CNKSR2: variants seen among roughly 807,000 people sequenced by gnomAD.
CNKSR2 encodes CNK homolog protein 2.
Under a neutral mutation model 84.4 loss-of-function variants are expected in CNKSR2, and 14 were observed. The observed-to-expected ratio is 0.17, with a 90% CI of 0.11 to 0.26. The LOEUF is 0.26. Ranked by LOEUF, CNKSR2 falls within the 10% of genes least tolerant of loss-of-function variation. The probability of loss-of-function intolerance (pLI) is 1.00; values close to 1 mark genes in which losing one functional copy is unlikely to be tolerated. For synonymous variants in CNKSR2, 275 were observed against 277.9 expected, an observed-to-expected ratio of 0.99 and a Z score of 0.10; for missense variants, 485 against 771.2, an observed-to-expected ratio of 0.63 and a Z score of 4.40.
chrX:21,599,075 T>G (rs766071965), intron 17 of CNKSR2, among the ~76,000 whole-genome samples: 9 of 112,635 alleles, frequency 8.0e-5, no homozygotes, highest in Admixed American at 6.6e-4. Context: ...TTAACAAAAT[T>G]TTTCTTCTTA....
rs746594231 is a variant in CNKSR2, at chrX:21,559,658, T to A, written c.1304-1813T>A. On this transcript the variant is annotated intron_variant, in intron 11 of 21. Transcript: ENST00000379510. ...AGTGTGAGTGCTGGGGCTTATTGTG[T>A]TAACTGTATTGTCGCCATGTGAGGA... 1.9e-4 allele frequency among the ~76,000 whole-genome samples: 21 copies of A among 111,243 alleles called. No individual in the cohort carries two copies. The South Asian group carries it at 7.6e-3, about 40-fold the overall frequency.
chrX:21,423,663 A>T (rs1368399191), intron 1 of CNKSR2: 1 of 111,786 alleles, frequency 8.9e-6, no homozygotes, highest in East Asian at 2.8e-4. Context: ...GGGGTTTCTC[A>T]GGTCAACATG....
At chrX:21,464,708 C>T (rs1192409742) in intron 4 of CNKSR2, among the ~76,000 whole-genome samples, 1 of 111,697 alleles carries the variant, frequency 9.0e-6, no homozygotes, top group African/African-American at 3.3e-5. Context: ...TCACTCACAA[C>T]TCACATTGCT....
intron 19 of CNKSR2, 73 bp downstream of exon 19, chrX:21,606,952 A>T: frequency 1.8e-6 from 1 of 563,943 alleles, no homozygotes; most frequent in Non-Finnish European, 2.7e-6. Flanking sequence ...TGTTAAAAAC[A>T]TATGTAGTAG....
At chrX:21,413,664 G>A (rs1303848060) in intron 1 of CNKSR2, among the ~76,000 whole-genome samples, 1 of 110,294 alleles carries the variant, frequency 9.1e-6, no homozygotes, top group Admixed American at 9.7e-5. Context: ...CTTCTACTCT[G>A]TTTAATTTTT....
At chrX:21,649,982 G>A (rs1463699062) in intron 21 of CNKSR2, among the ~76,000 whole-genome samples, 5 of 111,777 alleles carry the variant, frequency 4.5e-5, no homozygotes, top group Non-Finnish European at 7.5e-5. Context: ...TGGTGGGAGT[G>A]TAAATTAGTT....
At chrX:21,495,783 CAAAAAAAAAAAAAAAAAAAAAAAA>C (rs55689293) in intron 6 of CNKSR2, 16 of 6,961 alleles carry the variant, frequency 2.3e-3, no homozygotes, top group African/African-American at 6.0e-3. Flanking sequence ...AGCTCCGTCT[CAAAAAAAAAAAAAAAAAAAAAAAA>C]AAAAAAAAAA....
chrX:21,428,202 T>C (rs2090589963), intron 2 of CNKSR2: 1 of 112,099 alleles, frequency 8.9e-6, no homozygotes, highest in Non-Finnish European at 1.9e-5. Flanking sequence ...TAAAAGATGC[T>C]AAATTAATGT....
chrX:21,531,832 T>TC (rs766268700), intron 10 of CNKSR2, 24 bp from the exon 11 acceptor site: 1 of 1,092,857 alleles, frequency 9.2e-7, no homozygotes, highest in East Asian at 3.0e-5. Context: ...CTACATCTTC[T>TC]CCTTTACTCT....
At chrX:21,461,928 T>C (rs140359887) in intron 4 of CNKSR2, among the ~76,000 whole-genome samples, 1 of 112,280 alleles carries the variant, frequency 8.9e-6, no homozygotes, top group African/African-American at 3.2e-5. Flanking sequence ...CATGCTGTTT[T>C]AAATACTCTA....
rs1314010239 is a variant in CNKSR2 at position 21,652,518 on chromosome X, C to G, written c.3102C>G (p.Val1034=). The G allele has an allele frequency of 4.4e-5, 52 of 1,189,805 alleles. No individual in the cohort carries two copies. The highest frequency in any genetic ancestry group is 5.9e-5 in the Non-Finnish European group (52 of 875,630). Residue 1034 remains valine (V), a synonymous_variant, in exon 22 of 22, where the codon GTC becomes GTG. Transcript: ENST00000379510. ...CTCATTCATACATTGAAACGCATGT[C>G]TAAATGTATTCTGCCTTCAGACCAT... ...AHTHSYIETH[V]
At position 21,426,905 on chromosome X, in the gene CNKSR2, G is replaced by C. The variant is rs999933523; in HGVS notation, c.228+245G>C. On this transcript the variant is annotated intron_variant, in intron 2 of 21. Transcript: ENST00000379510. ...TGGGTATATCAGAACCTTAAGTCCA[G>C]AGTGTATGTCTCATAAGCAGGGCTC... 2.5e-5 allele frequency: 9 copies of C among 364,294 alleles called. No homozygotes were observed. In the South Asian group the frequency reaches 4.2e-4, roughly 17 times the overall value. 30.0% of individuals were successfully genotyped at this position (364,294 alleles called of 1,213,427 possible). A position where few individuals can be genotyped will look rare whatever the true frequency, so the allele number is the denominator to read the frequency against.
At chrX:21,447,521 C>T (rs1338639523) in intron 4 of CNKSR2, among the ~76,000 whole-genome samples, 1 of 111,377 alleles carries the variant, frequency 9.0e-6, no homozygotes, top group African/African-American at 3.3e-5. Context: ...TCCTATACTA[C>T]ATATAGGGAT....
chrX:21,380,598 C>T (rs2089884964), intron 1 of CNKSR2, among the ~76,000 whole-genome samples: 1 of 109,587 alleles, frequency 9.1e-6, no homozygotes, highest in Admixed American at 9.8e-5. Flanking sequence ...AGGCACCCAC[C>T]ACCACCCCTG....
chrX:21,403,956 C>A lies in CNKSR2; in HGVS notation c.65-22541C>A, dbSNP rs2090228079. Among the ~76,000 whole-genome samples, 2 of 112,007 alleles carry A rather than the reference C, an allele frequency of 1.8e-5. 1 individual carries two copies. The highest frequency in any genetic ancestry group is 7.4e-4 in the South Asian group (2 of 2,707). On this transcript the variant is annotated intron_variant, in intron 1 of 21. Transcript: ENST00000379510. ...TTAAGTAACTACTTCCAAAAAATAG[C>A]ATTGTATAGCAAACAGTTCCACATG... is the stretch of plus-strand genomic sequence containing the variant.
In CNKSR2 at chrX:21,459,710, A is replaced by G. The variant is rs995424363; in HGVS notation, c.520-11056A>G. ...TATCATGATAAATGCTAAACTGCCT[A>G]TCTTCTTTTTTTCATCACTTTGACC... On this transcript the variant is annotated intron_variant, in intron 4 of 21. Transcript: ENST00000379510. Among the ~76,000 whole-genome samples, 4 of 110,874 alleles carry G rather than the reference A, an allele frequency of 3.6e-5. No individual in the cohort carries two copies. In the Admixed American group the frequency reaches 3.9e-4, roughly 11 times the overall value.
At chrX:21,601,996 A>T (rs1003975693) in intron 18 of CNKSR2, among the ~76,000 whole-genome samples, 2 of 112,421 alleles carry the variant, frequency 1.8e-5, no homozygotes, top group African/African-American at 3.2e-5. Flanking sequence ...ACAGATTGAC[A>T]TACTTATAAA....
rs1461015285 is a variant in CNKSR2, at chrX:21,642,767, A to G, written c.2693-6064A>G. On this transcript the variant is annotated intron_variant, in intron 20 of 21. Coordinates refer to ENST00000379510, the MANE Select transcript of CNKSR2 (RefSeq NM_014927.5). ...CAGATAGCTAAATAATTTGCTAAGT[A>G]TGCCTGATAGTAAATATCTTTCTAA... 6 of 708,396 alleles carry G rather than the reference A, an allele frequency of 8.5e-6. No individual in the cohort carries two copies. The East Asian group carries it at 9.3e-4, about 110-fold the overall frequency. The allele number at this position is 708,396 out of a possible 1,213,427, so 58.4% of individuals were successfully genotyped here. A position where few individuals can be genotyped will look rare whatever the true frequency, so the allele number is the denominator to read the frequency against.
chrX:21,547,914 G>T (rs185929597), intron 11 of CNKSR2, among the ~76,000 whole-genome samples: 305 of 112,155 alleles, frequency 2.7e-3, no homozygotes, highest in Non-Finnish European at 3.8e-3. Context: ...GAATCTCTGG[G>T]ACACATTTAA....
Sources: gnomAD v4.1 joint callset for allele counts (sites outside exome capture counted in the v4.1 genomes callset) on GRCh38, gnomAD v4.1.1 for gene constraint, MANE v1.5 for transcripts, NCBI Gene and HGNC (gene_info 2026-07-23, HGNC 2026-07-21) for gene names.